ANK2: variants seen among roughly 807,000 people sequenced by gnomAD.
ANK2 encodes ankyrin 2, also known as ankyrin-2.
Under a neutral mutation model 360.5 loss-of-function variants are expected in ANK2, and 83 were observed. The observed-to-expected ratio is 0.23, with a 90% CI of 0.19 to 0.28. The LOEUF (loss-of-function observed/expected upper bound fraction) is 0.28, where lower values mean the gene tolerates loss of function less well. ANK2 is among the 10% of genes least tolerant of loss of function. The pLI is 1.00. For missense variants in ANK2, 4,201 were observed against 4,795.7 expected (o/e 0.88, Z 3.66); for synonymous variants, 1,740 against 1,759.5 (o/e 0.99, Z 0.28).
At chr4:113,118,285 T>A (rs894821046) in intron 1 of ANK2, among the ~76,000 whole-genome samples, 1 of 152,210 alleles carries the variant, frequency 6.6e-6, no homozygotes, top group Non-Finnish European at 1.5e-5. Flanking sequence ...ATAAATGGCT[T>A]ATTACATTAG....
chr4:112,757,198 C>T, the ANK2 span, among the ~76,000 whole-genome samples: 5 of 151,114 alleles, frequency 3.3e-5, no homozygotes, highest in African/African-American at 4.9e-5. Context: ...CTGCAACCTC[C>T]GCTTCCCGGG....
intron 2 of ANK2, chr4:113,034,833 TTAAA>T (rs1357325653): frequency 2.0e-5 from 3 of 152,022 alleles, no homozygotes; most frequent in African/African-American, 4.8e-5. Flanking sequence ...TTAGACATTA[TTAAA>T]TAGACATAAT....
At chr4:112,829,489 T>TCCAAAAAAAA (rs2059190573) in intron 1 of ANK2, among the ~76,000 whole-genome samples, 1 of 16,418 alleles carries the variant, frequency 6.1e-5, no homozygotes, top group African/African-American at 6.4e-4. Context: ...AGCCCATCTC[T>TCCAAAAAAAA]ACAAAAAAAA....
rs113154771 is a variant in ANK2 at position 113,327,084 on chromosome 4, A to G, written c.2901-3162A>G. On this transcript the variant is annotated intron_variant, in intron 26 of 45. Transcript: ENST00000357077. ...CCAATTTGCTTTGGATTTTTGTGCA[A>G]TACTTAAATATTACTTTCCAGGTTT... Among the ~76,000 whole-genome samples the G allele has an allele frequency of 7.3e-3, 1,119 of 152,254 alleles. 20 individuals are homozygous for G. The highest frequency in any genetic ancestry group is 0.026 in the African/African-American group (1,067 of 41,546).
At chr4:113,086,954 G>A (rs2085125794) in intron 1 of ANK2, among the ~76,000 whole-genome samples, 1 of 152,138 alleles carries the variant, frequency 6.6e-6, no homozygotes, top group Non-Finnish European at 1.5e-5. Flanking sequence ...GAGACCACCT[G>A]ATAAGTACCA....
At chr4:113,097,945 T>A (rs28532593) in intron 1 of ANK2, among the ~76,000 whole-genome samples, 70,660 of 145,798 alleles carry the variant, frequency 0.48, 18,274 homozygotes, top group East Asian at 0.64. Flanking sequence ...ATAAATGTGC[T>A]TGTGTATATA....
chr4:112,775,029 G>A, the ANK2 span, among the ~76,000 whole-genome samples: 2 of 152,270 alleles, frequency 1.3e-5, no homozygotes, highest in Admixed American at 6.5e-5. Context: ...TCTTCTCGTG[G>A]GTTTTGTACA....
intron 23 of ANK2, among the ~76,000 whole-genome samples, chr4:113,306,214 A>C (rs2077172282): frequency 6.6e-6 from 1 of 152,216 alleles, no homozygotes; most frequent in Non-Finnish European, 1.5e-5. Flanking sequence ...TCAGTTTTTC[A>C]TATCCACTTG....
At position 113,277,852 on chromosome 4, in the gene ANK2, C is replaced by G. The variant is rs1000271158; in HGVS notation, c.1699C>G (p.Leu567Val). 1.2e-6 allele frequency: 2 copies of G among 1,613,516 alleles called. No homozygotes were observed. The highest frequency in any genetic ancestry group is 2.7e-5 in the African/African-American group (2 of 74,916). The stretch of plus-strand genomic sequence containing the variant: ...ACATTTTCAGAAGGGTTTTACTCCC[C>G]TGCATGTAGCAGCCAAGTATGGAAG... Reference protein sequence around the residue: ...SLATKKGFTPLHVAAKYGSLD... With the variant: ...SLATKKGFTPVHVAAKYGSLD... The change falls in exon 16 of 46, where the codon CTG becomes GTG. Residue 567 changes from leucine (L) to valine (V), a missense_variant. Physicochemically the swap from Leu to Val is conservative, Grantham distance 32. Coordinates refer to ENST00000357077, the MANE Select transcript of ANK2 (RefSeq NM_001148.6).
intron 4 of ANK2, among the ~76,000 whole-genome samples, chr4:113,230,287 T>G (rs893571993): frequency 4.6e-5 from 7 of 152,206 alleles, no homozygotes; most frequent in Non-Finnish European, 1.0e-4. Context: ...TGTCTTTATA[T>G]TTTGCTGGAT....
chr4:113,274,059 A>G (rs1303432571), intron 14 of ANK2, among the ~76,000 whole-genome samples: 10 of 152,204 alleles, frequency 6.6e-5, no homozygotes, highest in Admixed American at 2.0e-4. Flanking sequence ...AAGAGTTCCC[A>G]GAATAAATCC....
intron 1 of ANK2, among the ~76,000 whole-genome samples, chr4:113,076,887 G>GA (rs1350854491): frequency 2.6e-5 from 4 of 151,528 alleles, no homozygotes; most frequent in Admixed American, 1.3e-4. Flanking sequence ...TTTTTTGTAA[G>GA]AAAAAATTCA....
At chr4:112,744,525 T>C in the ANK2 span, among the ~76,000 whole-genome samples, 1 of 151,920 alleles carries the variant, frequency 6.6e-6, no homozygotes, top group Admixed American at 6.6e-5. Context: ...ATTTTTTGCA[T>C]TTTTAGTAAA....
chr4:113,101,513 A>G (rs1316334024), intron 1 of ANK2, among the ~76,000 whole-genome samples: 2 of 152,148 alleles, frequency 1.3e-5, no homozygotes, highest in Non-Finnish European at 2.9e-5. Flanking sequence ...TATTCCTTCC[A>G]ATGTTCTTAG....
chr4:112,934,596 G>GT (rs1325909702), intron 2 of ANK2, among the ~76,000 whole-genome samples: 1 of 151,958 alleles, frequency 6.6e-6, no homozygotes, highest in Non-Finnish European at 1.5e-5. Context: ...AGTATTTATT[G>GT]TATTTGTTTC....
chr4:113,099,441 T>G, intron 1 of ANK2, among the ~76,000 whole-genome samples: 1 of 152,052 alleles, frequency 6.6e-6, no homozygotes, highest in African/African-American at 2.4e-5. Flanking sequence ...AAGACATGTA[T>G]AAGATATATA....
chr4:113,158,910 CTTT>C (rs2097403270), intron 1 of ANK2, among the ~76,000 whole-genome samples: 1 of 152,070 alleles, frequency 6.6e-6, no homozygotes, highest in East Asian at 1.9e-4. Flanking sequence ...TCTAACTCTT[CTTT>C]AAGTGATTTT....
At chr4:113,292,733 GCT>G (rs749492992) in intron 21 of ANK2, among the ~76,000 whole-genome samples, 13 of 152,082 alleles carry the variant, frequency 8.5e-5, no homozygotes, top group Non-Finnish European at 1.8e-4. Context: ...TGACTCTTTG[GCT>G]CTCTCTGGAG....
intron 6 of ANK2, among the ~76,000 whole-genome samples, 171 bp from the exon 7 acceptor site, chr4:113,237,428 G>T (rs1011264553): frequency 5.9e-5 from 9 of 152,172 alleles, no homozygotes; most frequent in Non-Finnish European, 1.2e-4. Flanking sequence ...ACAAATAATA[G>T]AATTTAAAAG....
Sources: gnomAD v4.1 joint callset for allele counts (sites outside exome capture counted in the v4.1 genomes callset) on GRCh38, gnomAD v4.1.1 for gene constraint, MANE v1.5 for transcripts, NCBI Gene and HGNC (gene_info 2026-07-23, HGNC 2026-07-21) for gene names.